DNAH2: variants seen among roughly 807,000 people sequenced by gnomAD.
DNAH2 encodes dynein axonemal heavy chain 2.
A neutral mutation model predicts 523.5 loss-of-function variants in DNAH2; 323 were observed. The observed-to-expected ratio is 0.62, with a 90% CI of 0.56 to 0.68. The LOEUF (loss-of-function observed/expected upper bound fraction) is 0.68, where lower values mean the gene tolerates loss of function less well. Among genes scored for constraint, DNAH2 ranks in the 30% least tolerant of loss-of-function variants. The pLI, the probability that DNAH2 is intolerant of heterozygous loss-of-function variation, is 0.00. For missense variants in DNAH2, 4,907 were observed against 5,701.5 expected (o/e 0.86, Z 4.49); for synonymous variants, 2,093 against 2,177.4 (o/e 0.96, Z 1.08).
At chr17:7,753,008 C>T (rs1052691005) in intron 12 of DNAH2, among the ~76,000 whole-genome samples, 6 of 152,174 alleles carry the variant, frequency 3.9e-5, no homozygotes, top group Non-Finnish European at 7.3e-5. Flanking sequence ...GCTTTCTTCG[C>T]GGGAGCATGT....
At chr17:7,743,197 A>G in intron 12 of DNAH2, 55 bp downstream of exon 12, 1 of 1,549,272 alleles carries the variant, frequency 6.5e-7, no homozygotes, top group Non-Finnish European at 8.9e-7. Context: ...AGCTCTCCCA[A>G]GAATTTCACT....
chr17:7,770,622 G>C lies in DNAH2; in HGVS notation c.4164G>C (p.Lys1388Asn), dbSNP rs769800913. Residue 1388 changes from lysine to asparagine, a missense_variant, in exon 26 of 86, where the codon AAG becomes AAC. Physicochemically the swap from Lys to Asn is moderately conservative, Grantham distance 94. This residue lies in a region of DNAH2 where 2,806 missense variants were observed against 3,190.8 expected (regional missense o/e 0.88). Coordinates refer to ENST00000572933, the MANE Select transcript of DNAH2 (RefSeq NM_020877.5). ...TQLDIVPYKD[K>N]GHHRLRGTEE... ...TCGACATAGTACCCTACAAGGATAA[G>C]GGCCATCATCGGCTCAGGTCAGGGG... 5 of 1,614,050 alleles carry C rather than the reference G, an allele frequency of 3.1e-6. No individual in the cohort carries two copies. Among genetic ancestry groups the C allele is most frequent in the Non-Finnish European group, 4.2e-6 (5 of 1,180,036 alleles).
At chr17:7,733,369 A>C in intron 5 of DNAH2, 54 bp downstream of exon 5, 3 of 1,574,430 alleles carry the variant, frequency 1.9e-6, no homozygotes, top group Non-Finnish European at 2.6e-6. Flanking sequence ...CCAACTGTAC[A>C]ACTAGTGAAG....
Position 7,741,918 on chromosome 17 carries a change from C to T in DNAH2, c.1689+926C>T, listed in dbSNP as rs191720851. On this transcript the variant is annotated intron_variant, in intron 11 of 85. Coordinates refer to ENST00000572933, the MANE Select transcript of DNAH2 (RefSeq NM_020877.5). ...CCTCAGGTGATCCACCCACCTTGGC[C>T]TCCCAAATTGCTGGGATTACAGGCA... 3.0e-3 allele frequency among the ~76,000 whole-genome samples: 457 copies of T among 151,840 alleles called. 2 individuals carry two copies. The highest frequency in any genetic ancestry group is 0.011 in the African/African-American group (442 of 41,456).
Position 7,786,496 on chromosome 17 carries a change from C to A in DNAH2, c.6349-74C>A. 6.7e-7 allele frequency: 1 copy of A among 1,496,522 alleles called. No individual in the cohort carries two copies. The highest frequency in any genetic ancestry group is 9.2e-7 in the Non-Finnish European group (1 of 1,084,026). The allele number at this position is 1,496,522 out of a possible 1,614,324, so 92.7% of individuals were successfully genotyped here. A position where few individuals can be genotyped will look rare whatever the true frequency, so the allele number is the denominator to read the frequency against. The stretch of plus-strand genomic sequence containing the variant: ...ATGAGAGAAGGGACAAATGCACGTA[C>A]CTAAGAGGGGTCTGGAAATAAAGAG... On this transcript the variant is annotated intron_variant, in intron 40 of 85. Coordinates refer to ENST00000572933, the MANE Select transcript of DNAH2 (RefSeq NM_020877.5). The surrounding 1 kb of genome is among the most constrained non-coding windows in gnomAD (Gnocchi z 7.5).
At chr17:7,776,757 C>T (rs765437204) in intron 31 of DNAH2, 22 bp from the exon 32 acceptor site, 15 of 1,591,042 alleles carry the variant, frequency 9.4e-6, no homozygotes, top group Middle Eastern at 1.7e-4. Flanking sequence ...GGCTTTGGGA[C>T]GTGGCTTCTG....
In DNAH2 at chr17:7,818,776, G is replaced by C. The variant is rs747465429; in HGVS notation, c.10670G>C (p.Arg3557Pro). ...KLKELEDEIL[R>P]LLNEATGSLL... ...AAGGAGCTGGAGGATGAGATCCTGCGGTGAGGCCCTGCCTTCCCCTCCCAC... is the reference window on the plus strand; with the variant it reads ...AAGGAGCTGGAGGATGAGATCCTGCCGTGAGGCCCTGCCTTCCCCTCCCAC... The change falls in exon 70 of 86, where the codon CGG (arginine) becomes CCG (proline). Residue 3557 changes from arginine to proline, a missense_variant and splice_region_variant. Arg to Pro is a moderately radical substitution (Grantham distance 103). Coordinates refer to ENST00000572933, the MANE Select transcript of DNAH2 (RefSeq NM_020877.5). 6.2e-7 allele frequency: 1 copy of C among 1,614,004 alleles called. No individual in the cohort carries two copies. The highest frequency in any genetic ancestry group is 1.7e-5 in the Admixed American group (1 of 60,010).
rs1319860081 is a variant in DNAH2 at position 7,818,632 on chromosome 17, G to A, written c.10537-11G>A. 8 of 1,613,600 alleles carry A rather than the reference G, an allele frequency of 5.0e-6. No individual in the cohort carries two copies. Among genetic ancestry groups the A allele is most frequent in the Non-Finnish European group, 6.8e-6 (8 of 1,179,956 alleles). ...GTGACAGCCCCTCACTGTGAGTCCT[G>A]ATGCCCCCAGGGCCTGGAGGCCCAG... On this transcript the variant is annotated splice_polypyrimidine_tract_variant and intron_variant, in intron 69 of 85. Coordinates refer to ENST00000572933, the MANE Select transcript of DNAH2 (RefSeq NM_020877.5).
At chr17:7,762,607 T>C (rs2076037380) in intron 18 of DNAH2, among the ~76,000 whole-genome samples, 2 of 152,070 alleles carry the variant, frequency 1.3e-5, no homozygotes, top group Admixed American at 1.3e-4. Flanking sequence ...GTGCTGGGAT[T>C]ACGGGCCTGA....
chr17:7,760,673 C>CAGGG lies in DNAH2; in HGVS notation c.2786-66_2786-63dup. 1 of 1,505,056 alleles carries CAGGG rather than the reference C, an allele frequency of 6.6e-7. No homozygotes were observed. Among genetic ancestry groups the CAGGG allele is most frequent in the Non-Finnish European group, 9.0e-7 (1 of 1,107,774 alleles). The allele number at this position is 1,505,056 out of a possible 1,614,324, so 93.2% of individuals were successfully genotyped here. Reference sequence around the variant, plus strand: ...AGAGTGGAAGGTCTGGAGCAGTGGGCAGGGCTCAGGCAGAAGTTGGGTTGG... The same window carrying CAGGG: ...AGAGTGGAAGGTCTGGAGCAGTGGGCAGGGAGGGCTCAGGCAGAAGTTGGGTTGG... On this transcript the variant is annotated intron_variant, in intron 17 of 85. Coordinates refer to ENST00000572933, the MANE Select transcript of DNAH2 (RefSeq NM_020877.5). This position sits in a 1 kb window ranked among gnomAD's most constrained non-coding sequence, Gnocchi z 4.0.
intron 39 of DNAH2, 21 bp downstream of exon 39, chr17:7,781,188 T>C (rs2076596687): frequency 6.2e-7 from 1 of 1,613,866 alleles, no homozygotes; most frequent in Non-Finnish European, 8.5e-7. Context: ...CTTAATACTC[T>C]CCCTGACCGG....
Position 7,787,962 on chromosome 17 carries a change from C to G in DNAH2, c.6706C>G (p.Pro2236Ala). 2 of 1,614,174 alleles carry G rather than the reference C, an allele frequency of 1.2e-6. No homozygotes were observed. The highest frequency in any genetic ancestry group is 2.2e-5 in the South Asian group (2 of 91,086). Residue 2236 changes from proline (P) to alanine (A), a missense_variant, in exon 43 of 86, where the codon CCC becomes GCC. Coordinates refer to ENST00000572933, the MANE Select transcript of DNAH2 (RefSeq NM_020877.5). ...TGACTACGCTGACCTGGGCTGGAAG[C>G]CCTATGTTCAGTCATGGCTGGAGAA... ...YTDYADLGWK[P>A]YVQSWLEKRP...
chr17:7,722,945 C>CTTTCT (rs1011209977), intron 2 of DNAH2, among the ~76,000 whole-genome samples: 10 of 135,028 alleles, frequency 7.4e-5, no homozygotes, highest in African/African-American at 1.9e-4. Context: ...TCTTTCTTTT[C>CTTTCT]TTTCTTTTCT....
intron 68 of DNAH2, 76 bp from the exon 69 acceptor site, chr17:7,818,236 C>T: frequency 1.3e-6 from 2 of 1,599,480 alleles, no homozygotes; most frequent in South Asian, 2.3e-5. Flanking sequence ...GTCGCTGCCC[C>T]TGGATGCCGG....
chr17:7,754,768 A>C lies in DNAH2; in HGVS notation c.1905-2323A>C, dbSNP rs2151185807. The C allele has an allele frequency of 1.1e-6, 1 of 912,802 alleles. No individual in the cohort carries two copies. The highest frequency in any genetic ancestry group is 2.4e-5 in the East Asian group (1 of 41,576). 56.5% of individuals were successfully genotyped at this position (912,802 alleles called of 1,614,324 possible). On this transcript the variant is annotated intron_variant, in intron 12 of 85. Transcript: ENST00000572933. The surrounding 1 kb of genome is among the most constrained non-coding windows in gnomAD (Gnocchi z 4.6). ...CGGCCCAAGGCCAAGGCCAAGGATC[A>C]AACCAAGGCCCAGGCTGCAGCTCCA... is the stretch of plus-strand genomic sequence containing the variant.
intron 61 of DNAH2, among the ~76,000 whole-genome samples, chr17:7,806,668 A>G (rs2077375366): frequency 6.6e-6 from 1 of 151,372 alleles, no homozygotes; most frequent in Non-Finnish European, 1.5e-5. Context: ...CAAAAAAAAA[A>G]AAAAAAAAAA....
chr17:7,816,168 T>A (rs1346782667), intron 63 of DNAH2, among the ~76,000 whole-genome samples: 2 of 152,186 alleles, frequency 1.3e-5, no homozygotes, highest in African/African-American at 4.8e-5. Flanking sequence ...TTCTTCCTCT[T>A]TCAAGGTTCC....
chr17:7,770,593 C>T lies in DNAH2; in HGVS notation c.4135C>T (p.Gln1379Ter), dbSNP rs111386952. 8.7e-6 allele frequency: 14 copies of T among 1,614,158 alleles called. No homozygotes were observed. Among genetic ancestry groups the T allele is most frequent in the Non-Finnish European group, 1.2e-5 (14 of 1,180,030 alleles). ...QNIAKTWDVT[Q>*]LDIVPYKDKG... ...CATTGCCAAGACCTGGGATGTGACTCAGCTCGACATAGTACCCTACAAGGA... is the reference window on the plus strand; with the variant it reads ...CATTGCCAAGACCTGGGATGTGACTTAGCTCGACATAGTACCCTACAAGGA... Residue 1379 changes from glutamine (Q) to a stop codon, truncating the protein, a stop_gained, in exon 26 of 86, where the codon CAG becomes TAG. Coordinates refer to ENST00000572933, the MANE Select transcript of DNAH2 (RefSeq NM_020877.5). LOFTEE classifies it high-confidence loss of function.
rs765692580 is a variant in DNAH2, at chr17:7,759,462, G to A, written c.2489G>A (p.Arg830His). 8.1e-6 allele frequency: 13 copies of A among 1,613,850 alleles called. No individual in the cohort carries two copies. Among genetic ancestry groups the A allele is most frequent in the South Asian group, 1.1e-5 (1 of 91,066 alleles). Residue 830 changes from arginine to histidine, a missense_variant, in exon 16 of 86, where the codon CGC (arginine) becomes CAC (histidine). Physicochemically the swap from Arg to His is conservative, Grantham distance 29. This residue lies in a region of DNAH2 where 2,806 missense variants were observed against 3,190.8 expected (regional missense o/e 0.88). Transcript: ENST00000572933. Reference sequence around the variant, plus strand: ...ATGCTGTACATGATTCGGCTGGACCGCATGATGGAGGATGCCCTGCGCCTG... The same window carrying A: ...ATGCTGTACATGATTCGGCTGGACCACATGATGGAGGATGCCCTGCGCCTG... ...QWMLYMIRLD[R>H]MMEDALRLNV...
Sources: allele counts gnomAD v4.1 joint callset (sites outside exome capture counted in the v4.1 genomes callset), GRCh38; gene constraint gnomAD v4.1.1; regional missense constraint gnomAD v4.1.1; non-coding constraint Gnocchi (gnomAD v3.1); transcripts MANE v1.5; gene names NCBI Gene and HGNC (gene_info 2026-07-23, HGNC 2026-07-21).